Variants in PAK5 observed in about 807,000 individuals in gnomAD.
PAK5 encodes serine/threonine-protein kinase PAK 5.
Under a neutral mutation model 65.9 loss-of-function variants are expected in PAK5, and 16 were observed. The observed-to-expected ratio is 0.24, with a 90% CI of 0.16 to 0.37. The LOEUF is 0.37. PAK5 is among the 10% of genes least tolerant of loss of function. The pLI is 1.00. For synonymous variants in PAK5, 371 were observed against 354.9 expected (o/e 1.05, Z -0.51); for missense variants, 785 against 903.9 (o/e 0.87, Z 1.69).
intron 2 of PAK5, among the ~76,000 whole-genome samples, chr20:9,664,031 A>C (rs2047380231): frequency 6.6e-6 from 1 of 152,216 alleles, no homozygotes; most frequent in Admixed American, 6.5e-5. Context: ...TGAAAGAAAA[A>C]GGCAGCTACG....
At chr20:9,544,296 C>T in intron 8 of PAK5, 73 bp downstream of exon 8, 3 of 1,521,374 alleles carry the variant, frequency 2.0e-6, no homozygotes, top group Non-Finnish European at 2.7e-6. Context: ...CTGTGGTCAC[C>T]AACTATCTCA....
chr20:9,810,102 C>T lies in PAK5; in HGVS notation c.-162+28660G>A, dbSNP rs1166477264. 4.6e-5 allele frequency among the ~76,000 whole-genome samples: 7 copies of T among 152,248 alleles called. No homozygotes were observed. In the East Asian group the frequency reaches 7.7e-4, roughly 17 times the overall value. ...CACAGATGCACTTCCAGGCTCCTTC[C>T]ACCTGTGCAGCAGTGGTTCCCAACC... is the stretch of plus-strand genomic sequence containing the variant. On this transcript the variant is annotated intron_variant, in intron 1 of 9. Transcript: ENST00000353224.
At chr20:9,573,356 T>C (rs1261200563) in intron 4 of PAK5, among the ~76,000 whole-genome samples, 2 of 152,184 alleles carry the variant, frequency 1.3e-5, no homozygotes, top group Non-Finnish European at 2.9e-5. Context: ...GCTTGTGATG[T>C]ATCAAAATTA....
At chr20:9,545,677 C>T (rs185184991) in intron 7 of PAK5, among the ~76,000 whole-genome samples, 8 of 152,226 alleles carry the variant, frequency 5.3e-5, no homozygotes, top group Admixed American at 5.2e-4. Flanking sequence ...GATTCTCTTA[C>T]TGGATACTGT....
intron 2 of PAK5, among the ~76,000 whole-genome samples, chr20:9,650,924 T>G (rs2047195041): frequency 6.6e-6 from 1 of 152,212 alleles, no homozygotes; most frequent in South Asian, 2.1e-4. Flanking sequence ...TTTTGTTGCC[T>G]TATTTTTCTC....
chr20:9,688,901 G>C (rs1200795238), intron 2 of PAK5, among the ~76,000 whole-genome samples: 1 of 152,132 alleles, frequency 6.6e-6, no homozygotes, highest in Admixed American at 6.5e-5. Context: ...CCAAGTGATA[G>C]AAGCCTCAAT....
chr20:9,560,484 C>T (rs1181837826), intron 6 of PAK5, among the ~76,000 whole-genome samples: 3 of 152,118 alleles, frequency 2.0e-5, no homozygotes, highest in East Asian at 1.9e-4. Flanking sequence ...CTTAGCCTCT[C>T]GAGTAGCTAG....
chr20:9,561,642 T>A (rs1278023672), intron 6 of PAK5, among the ~76,000 whole-genome samples: 1 of 152,182 alleles, frequency 6.6e-6, no homozygotes, highest in East Asian at 1.9e-4. Flanking sequence ...GTTTTATACT[T>A]CACAGGGTTT....
At chr20:9,702,620 C>T (rs1395718775) in intron 2 of PAK5, among the ~76,000 whole-genome samples, 2 of 152,124 alleles carry the variant, frequency 1.3e-5, no homozygotes, top group Admixed American at 6.6e-5. Context: ...ATAAAGGGCC[C>T]GTGATATTCC....
intron 3 of PAK5, among the ~76,000 whole-genome samples, chr20:9,630,889 A>G (rs1376550348): frequency 2.0e-5 from 3 of 151,956 alleles, no homozygotes; most frequent in East Asian, 1.9e-4. Context: ...GAATTTTTAC[A>G]CCGGTTATCC....
chr20:9,796,945 G>A (rs1439678120), intron 1 of PAK5, among the ~76,000 whole-genome samples: 1 of 152,014 alleles, frequency 6.6e-6, no homozygotes, highest in African/African-American at 2.4e-5. Flanking sequence ...TCTAGTTCTA[G>A]ATCCCTGAGG....
At chr20:9,607,341 G>A (rs1157327013) in intron 3 of PAK5, among the ~76,000 whole-genome samples, 1 of 152,194 alleles carries the variant, frequency 6.6e-6, no homozygotes, top group Non-Finnish European at 1.5e-5. Flanking sequence ...GAAGTGCCAA[G>A]GCCAATATAA....
At chr20:9,785,041 A>G (rs2048978621) in intron 1 of PAK5, among the ~76,000 whole-genome samples, 2 of 152,060 alleles carry the variant, frequency 1.3e-5, no homozygotes, top group Non-Finnish European at 2.9e-5. Flanking sequence ...TTCAATTTTC[A>G]GTGTATCTTT....
At chr20:9,549,765 T>C (rs2045398941) in intron 7 of PAK5, among the ~76,000 whole-genome samples, 1 of 152,170 alleles carries the variant, frequency 6.6e-6, no homozygotes, top group Admixed American at 6.5e-5. Context: ...TATGTTCACA[T>C]CATATTCTGT....
intron 3 of PAK5, among the ~76,000 whole-genome samples, chr20:9,641,286 C>T (rs1220175023): frequency 3.3e-5 from 5 of 150,860 alleles, no homozygotes; most frequent in South Asian, 2.1e-4. Context: ...TACAGAGTGC[C>T]GATTGGTGTA....
At chr20:9,562,854 AAGC>A (rs774485161) in intron 6 of PAK5, 34 bp downstream of exon 6, 1 of 1,588,726 alleles carries the variant, frequency 6.3e-7, no homozygotes, top group Non-Finnish European at 8.6e-7. Flanking sequence ...GAAGAATAAG[AAGC>A]ACCTCGAATT....
At chr20:9,554,708 T>C (rs1266714662) in intron 7 of PAK5, among the ~76,000 whole-genome samples, 4 of 152,212 alleles carry the variant, frequency 2.6e-5, no homozygotes, top group Non-Finnish European at 4.4e-5. Flanking sequence ...ACACTCCATT[T>C]CTGCTCTCTT....
intron 3 of PAK5, among the ~76,000 whole-genome samples, chr20:9,615,888 G>A (rs1020103842): frequency 1.3e-5 from 2 of 152,242 alleles, no homozygotes; most frequent in African/African-American, 4.8e-5. Context: ...AGCACCACAT[G>A]AGGCCTCTCC....
chr20:9,787,794 G>A (rs2049008850), intron 1 of PAK5, among the ~76,000 whole-genome samples: 1 of 152,030 alleles, frequency 6.6e-6, no homozygotes, highest in African/African-American at 2.4e-5. Context: ...CCTCATACAG[G>A]TGCAATAGAT....
Sources: gnomAD v4.1 joint callset for allele counts (sites outside exome capture counted in the v4.1 genomes callset) on GRCh38, gnomAD v4.1.1 for gene constraint, MANE v1.5 for transcripts, NCBI Gene and HGNC (gene_info 2026-07-23, HGNC 2026-07-21) for gene names.